FARS2: variants seen among roughly 807,000 people sequenced by gnomAD.
The protein encoded by FARS2 is phenylalanine--tRNA ligase, mitochondrial.
Under a neutral mutation model 46.4 loss-of-function variants are expected in FARS2, and 40 were observed. That is an observed-to-expected ratio of 0.86 (90% CI 0.67 to 1.12). FARS2 has a LOEUF of 1.12. Ranked by LOEUF, FARS2 falls within the 50% of genes most tolerant of loss-of-function variation. The pLI is 0.00. For synonymous variants in FARS2, 234 were observed against 214.9 expected (o/e 1.09, Z -0.78); for missense variants, 513 against 567.9 (o/e 0.90, Z 0.98).
At chr6:5,676,212 AAC>A (rs1311166617) in intron 6 of FARS2, among the ~76,000 whole-genome samples, 2 of 152,222 alleles carry the variant, frequency 1.3e-5, no homozygotes, top group Non-Finnish European at 2.9e-5. Flanking sequence ...TCCTAAAGGA[AAC>A]ACACTTGAAC....
At chr6:5,272,403 T>G (rs1221568170) in intron 1 of FARS2, 2 of 152,202 alleles carry the variant, frequency 1.3e-5, no homozygotes, top group Non-Finnish European at 2.9e-5. Flanking sequence ...CACTATCTTA[T>G]GCGGAAATGA....
intron 1 of FARS2, among the ~76,000 whole-genome samples, chr6:5,340,709 C>T (rs186223725): frequency 7.9e-5 from 12 of 152,258 alleles, no homozygotes; most frequent in African/African-American, 2.9e-4. Flanking sequence ...TCAGTAGGAA[C>T]TCTGGGAGCT....
In FARS2 at chr6:5,311,834, C is replaced by T. The variant is rs543166302; in HGVS notation, c.-22+50174C>T. ...AAAATGAGAGATAAAAAGCCACTCA[C>T]AGATTCCTTTGTTCCACAACTGTAA... On this transcript the variant is annotated intron_variant, in intron 1 of 6. Coordinates refer to ENST00000274680, the MANE Select transcript of FARS2 (RefSeq NM_006567.5). The surrounding 1 kb of genome is among the most constrained non-coding windows in gnomAD (Gnocchi z 4.1). Among the ~76,000 whole-genome samples, 48 of 152,288 alleles carry T rather than the reference C, an allele frequency of 3.2e-4. No homozygotes were observed. Among genetic ancestry groups the T allele is most frequent in the Admixed American group, 1.0e-3 (16 of 15,282 alleles).
chr6:5,385,763 T>C (rs111359002), intron 2 of FARS2, among the ~76,000 whole-genome samples: 33 of 152,284 alleles, frequency 2.2e-4, no homozygotes, highest in African/African-American at 7.9e-4. Context: ...TGCTTATGTT[T>C]AGCAGTGATT....
At chr6:5,593,901 A>G (rs1226197603) in intron 5 of FARS2, among the ~76,000 whole-genome samples, 1 of 152,166 alleles carries the variant, frequency 6.6e-6, no homozygotes, top group Non-Finnish European at 1.5e-5. Flanking sequence ...CCCACAGGGT[A>G]GCAGGTGGCT....
intron 3 of FARS2, among the ~76,000 whole-genome samples, chr6:5,407,192 G>T (rs906688895): frequency 6.6e-6 from 1 of 151,744 alleles, no homozygotes; most frequent in African/African-American, 2.4e-5. Context: ...GTTGACAAAG[G>T]TGTAGAGAAA....
At chr6:5,651,519 A>G (rs1386422461) in intron 6 of FARS2, among the ~76,000 whole-genome samples, 1 of 152,216 alleles carries the variant, frequency 6.6e-6, no homozygotes, top group Non-Finnish European at 1.5e-5. Context: ...ACGAAGTAAG[A>G]GTTGCAACAA....
chr6:5,424,818 T>C (rs1263522431), intron 3 of FARS2, among the ~76,000 whole-genome samples: 1 of 152,224 alleles, frequency 6.6e-6, no homozygotes, highest in Non-Finnish European at 1.5e-5. Flanking sequence ...TAGAGCACTA[T>C]TGAAACATCA....
intron 2 of FARS2, among the ~76,000 whole-genome samples, chr6:5,382,943 A>T (rs12204655): frequency 0.044 from 6,653 of 152,282 alleles, 224 homozygotes; most frequent in Non-Finnish European, 0.067. Flanking sequence ...TCAGCATTTT[A>T]TTCTATTCAG....
chr6:5,601,520 A>C (rs924066452), intron 5 of FARS2, among the ~76,000 whole-genome samples: 23 of 69,002 alleles, frequency 3.3e-4, no homozygotes, highest in African/African-American at 1.2e-3. Context: ...GTGAAACTCC[A>C]TCACAAAAAA....
chr6:5,476,040 T>C (rs1369875691), intron 4 of FARS2, among the ~76,000 whole-genome samples: 3 of 152,138 alleles, frequency 2.0e-5, no homozygotes, highest in African/African-American at 7.2e-5. Context: ...GAGGGACCAA[T>C]GAGACATGAT....
upstream of FARS2, chr6:5,260,988 T>TCCGCCCCGCCCCGATC (rs1765067351): frequency 2.7e-6 from 3 of 1,126,216 alleles, no homozygotes; most frequent in Non-Finnish European, 3.3e-6. Context: ...GGGAGATGCC[T>TCCGCCCCGCCCCGATC]CCGCCCCGCC....
intron 1 of FARS2, among the ~76,000 whole-genome samples, chr6:5,279,205 G>A (rs902180213): frequency 2.0e-5 from 3 of 151,728 alleles, no homozygotes; most frequent in East Asian, 1.9e-4. Flanking sequence ...GTGAAACCCC[G>A]TCTCTACTAA....
chr6:5,517,661 C>G (rs974294861), intron 4 of FARS2, among the ~76,000 whole-genome samples: 1 of 151,110 alleles, frequency 6.6e-6, no homozygotes, highest in Non-Finnish European at 1.5e-5. Context: ...TACACACATA[C>G]TGGGTTTCAA....
chr6:5,353,604 A>G (rs538163663), intron 1 of FARS2, among the ~76,000 whole-genome samples: 1 of 151,192 alleles, frequency 6.6e-6, no homozygotes, highest in South Asian at 2.1e-4. Flanking sequence ...GTGATGTCTC[A>G]TTGTGGTTTT....
intron 6 of FARS2, among the ~76,000 whole-genome samples, chr6:5,683,795 G>T (rs879695814): frequency 3.3e-5 from 5 of 151,892 alleles, no homozygotes; most frequent in Admixed American, 6.6e-5. Flanking sequence ...GACAGGCCCC[G>T]GTATGTGATG....
chr6:5,657,697 A>C (rs1020906229), intron 6 of FARS2, among the ~76,000 whole-genome samples: 5 of 152,240 alleles, frequency 3.3e-5, no homozygotes, highest in Admixed American at 6.5e-5. Context: ...GGTTCTTAAA[A>C]GCAGAGAATA....
At chr6:5,692,124 C>G (rs896344093) in intron 6 of FARS2, among the ~76,000 whole-genome samples, 10 of 152,232 alleles carry the variant, frequency 6.6e-5, no homozygotes, top group African/African-American at 2.4e-4. Context: ...TTCCCTGACC[C>G]CTTGTGCTTC....
At chr6:5,337,450 T>C (rs1771240950) in intron 1 of FARS2, among the ~76,000 whole-genome samples, 1 of 152,164 alleles carries the variant, frequency 6.6e-6, no homozygotes, top group Non-Finnish European at 1.5e-5. Context: ...TTTTATACTA[T>C]TCAATCTTCA....
Sources: allele counts gnomAD v4.1 joint callset (sites outside exome capture counted in the v4.1 genomes callset), GRCh38; gene constraint gnomAD v4.1.1; non-coding constraint Gnocchi (gnomAD v3.1); transcripts MANE v1.5; gene names NCBI Gene and HGNC (gene_info 2026-07-23, HGNC 2026-07-21).